Variants in LIPE observed in about 807,000 individuals in gnomAD.
LIPE encodes the protein lipase E, hormone sensitive type.
A neutral mutation model predicts 88.5 loss-of-function variants in LIPE; 66 were observed. The observed-to-expected ratio is 0.75, with a 90% CI of 0.61 to 0.91. LIPE has a LOEUF of 0.91. Among genes scored for constraint, LIPE ranks in the 40% least tolerant of loss-of-function variants. The pLI is 0.00. For missense variants in LIPE, 1,346 were observed against 1,434.7 expected, an observed-to-expected ratio of 0.94 and a Z score of 1.00; for synonymous variants, 570 against 617.5, an observed-to-expected ratio of 0.92 and a Z score of 1.14.
In LIPE at chr19:42,402,886, C is replaced by T. The variant is rs759247319; in HGVS notation, c.2688G>A (p.Leu896=). The part of the protein sequence containing the change: ...ETSSDTPEMS[L]SAETLSPSTP... ...TGGAGGGGCTAAGTGTCTCAGCTGA[C>T]AGCGACATCTCGGGGGTGTCCGACG... The change falls in exon 9 of 10, where the codon CTG becomes CTA. Residue 896 remains leucine (L), a synonymous_variant. Coordinates refer to ENST00000244289, the MANE Select transcript of LIPE (RefSeq NM_005357.4). The T allele has an allele frequency of 1.9e-6, 3 of 1,613,612 alleles. No homozygotes were observed. In the South Asian group the frequency reaches 3.3e-5, roughly 18 times the overall value.
chr19:42,423,520 C>T (rs375002320), intron 1 of LIPE: 15 of 1,268,210 alleles, frequency 1.2e-5, no homozygotes, highest in African/African-American at 1.1e-4. Context: ...GGGCTCCGTT[C>T]CCCCGGCCAA....
chr19:42,421,750 G>A (rs1469503996), intron 1 of LIPE, among the ~76,000 whole-genome samples: 5 of 152,238 alleles, frequency 3.3e-5, no homozygotes, highest in African/African-American at 1.2e-4. Context: ...GTGATCCTAA[G>A]GACACTAGCC....
chr19:42,411,609 A>G (rs951175111), intron 1 of LIPE, among the ~76,000 whole-genome samples: 1 of 152,140 alleles, frequency 6.6e-6, no homozygotes, highest in Non-Finnish European at 1.5e-5. Flanking sequence ...TTCACTGAAG[A>G]GTCATTCCTC....
chr19:42,402,533 T>A, intron 9 of LIPE, 74 bp downstream of exon 9: 1 of 1,331,286 alleles, frequency 7.5e-7, no homozygotes, highest in East Asian at 2.6e-5. Flanking sequence ...GGTGTACCCG[T>A]GCCCGGTCCC....
rs1010322825 is a variant in LIPE at position 42,406,522 on chromosome 19, T to C, written c.2138-134A>G. ...TGGGGCACTCCAAGGCCTAGCAGAC[T>C]GCAGTTTTAGAGACTGGCAGACTGA... On this transcript the variant is annotated intron_variant, in intron 6 of 9. Transcript: ENST00000244289. The surrounding 1 kb of genome is among the most constrained non-coding windows in gnomAD (Gnocchi z 5.7). The C allele has an allele frequency of 4.3e-6, 3 of 697,246 alleles. No individual in the cohort carries two copies. Among genetic ancestry groups the C allele is most frequent in the Non-Finnish European group, 7.4e-6 (3 of 403,898 alleles). The allele number at this position is 697,246 out of a possible 1,614,324, so 43.2% of individuals were successfully genotyped here.
chr19:42,417,453 C>CAA (rs905438599), intron 1 of LIPE, among the ~76,000 whole-genome samples: 3 of 151,858 alleles, frequency 2.0e-5, no homozygotes, highest in African/African-American at 7.3e-5. Flanking sequence ...TTTTTAGAGA[C>CAA]AGAGTCTTGC....
chr19:42,427,112 C>T lies in LIPE; in HGVS notation c.38G>A (p.Trp13Ter). Residue 13 changes from tryptophan to a stop codon, truncating the protein, a stop_gained, in exon 1 of 10, where the codon TGG becomes TAG. Transcript: ENST00000244289. LOFTEE classifies it high-confidence loss of function. ...AGGCCTCTGGTGTGGTTCAGGTTGC[C>T]AGTCTGACCTAGACACTGACTTAGA... ...PGSKSVSRSDWQPEPHQRPIT... is the reference protein window; with the variant it reads ...PGSKSVSRSD 6.2e-7 allele frequency: 1 copy of T among 1,610,982 alleles called. No individual in the cohort carries two copies.
chr19:42,416,877 C>A (rs1350714121), intron 1 of LIPE, among the ~76,000 whole-genome samples: 3 of 152,198 alleles, frequency 2.0e-5, no homozygotes, highest in Non-Finnish European at 2.9e-5. Flanking sequence ...CTGCAGCCCA[C>A]CAGCCAAGGA....
intron 1 of LIPE, chr19:42,424,606 T>G (rs2040673767): frequency 2.2e-6 from 1 of 456,218 alleles, no homozygotes; most frequent in East Asian, 6.9e-5. Context: ...CGTTACTCTC[T>G]TATCAGCTGT....
In LIPE at chr19:42,405,741, G is replaced by A. The variant is rs542106252; in HGVS notation, c.2366-180C>T. On this transcript the variant is annotated intron_variant, in intron 7 of 9. Transcript: ENST00000244289. ...TCCCAGTACTTTGGGAGGCCAAGGC[G>A]AGAGGATGGCTTGAGCCCAGGAGTT... 12 of 622,830 alleles carry A rather than the reference G, an allele frequency of 1.9e-5. No homozygotes were observed. In the Admixed American group the frequency reaches 2.5e-4, roughly 13 times the overall value. The allele number at this position is 622,830 out of a possible 1,614,324, so 38.6% of individuals were successfully genotyped here.
At chr19:42,403,069 T>A (rs767671473) in intron 8 of LIPE, 38 bp from the exon 9 acceptor site, 10 of 1,498,332 alleles carry the variant, frequency 6.7e-6, no homozygotes, top group Non-Finnish European at 7.1e-6. Context: ...GCTCCGTTAG[T>A]TTGGTTGTGT....
chr19:42,409,421 A>AT (rs1381142604), intron 2 of LIPE, among the ~76,000 whole-genome samples: 3 of 150,568 alleles, frequency 2.0e-5, no homozygotes, highest in Non-Finnish European at 4.4e-5. Context: ...AAAAAAAAAA[A>AT]TACAATGGGG....
rs1263823383 is a variant in LIPE at position 42,408,034 on chromosome 19, TTC to T, written c.1596_1597del (p.Asn533ProfsTer43). The T allele has an allele frequency of 1.2e-6, 2 of 1,613,846 alleles. No homozygotes were observed. Among genetic ancestry groups the T allele is most frequent in the Non-Finnish European group, 1.7e-6 (2 of 1,179,860 alleles). ...GGCTTTCCAGAAGTGCACGTCCAGG[TTC>T]TGTGTGATCCGCTCAAACTCAGCCC... On this transcript the variant is annotated frameshift_variant, in exon 4 of 10. Transcript: ENST00000244289. LOFTEE classifies it high-confidence loss of function. The surrounding 1 kb of genome is among the most constrained non-coding windows in gnomAD (Gnocchi z 4.3).
Position 42,402,771 on chromosome 19 carries a change from G to A in LIPE, c.2803C>T (p.Leu935=), listed in dbSNP as rs1218274212. 9 of 1,597,812 alleles carry A rather than the reference G, an allele frequency of 5.6e-6. No homozygotes were observed. The highest frequency in any genetic ancestry group is 7.7e-6 in the Non-Finnish European group (9 of 1,167,950). The change falls in exon 9 of 10, where the codon CTG becomes TTG. Residue 935 remains leucine, a synonymous_variant. Coordinates refer to ENST00000244289, the MANE Select transcript of LIPE (RefSeq NM_005357.4). ...TCGGGGAAGGCGGCACGGACGCCCA[G>A]GCCTCTGTCCATGGGGCTCAGCTCA... ...KNELSPMDRG[L]GVRAAFPEGF... is the part of the protein sequence containing the mutation.
intron 1 of LIPE, among the ~76,000 whole-genome samples, chr19:42,425,958 C>T (rs1031927313): frequency 2.0e-5 from 3 of 152,004 alleles, no homozygotes; most frequent in South Asian, 2.1e-4. Flanking sequence ...CCTGCCACCA[C>T]GCCTGGCTAA....
In LIPE at chr19:42,408,438, C is replaced by A; in HGVS notation, c.1420-116G>T. 1.2e-6 allele frequency: 1 copy of A among 824,710 alleles called. No homozygotes were observed. Among genetic ancestry groups the A allele is most frequent in the Non-Finnish European group, 2.1e-6 (1 of 487,310 alleles). The allele number at this position is 824,710 out of a possible 1,614,324, so 51.1% of individuals were successfully genotyped here. On this transcript the variant is annotated intron_variant, in intron 2 of 9. Transcript: ENST00000244289. This position sits in a 1 kb window ranked among gnomAD's most constrained non-coding sequence, Gnocchi z 4.3. ...ATTCATTCAGTAAACGTTTCATGAGCTCCTACTGTGTGCTGGGCATAGCTC... is the reference window on the plus strand; with the variant it reads ...ATTCATTCAGTAAACGTTTCATGAGATCCTACTGTGTGCTGGGCATAGCTC...
At position 42,410,658 on chromosome 19, in the gene LIPE, C is replaced by T. The variant is rs1420241605; in HGVS notation, c.1068G>A (p.Leu356=). The T allele has an allele frequency of 1.2e-6, 2 of 1,612,528 alleles. No homozygotes were observed. The highest frequency in any genetic ancestry group is 1.1e-5 in the South Asian group (1 of 91,018). Residue 356 remains leucine, a synonymous_variant, in exon 2 of 10, where the codon CTG becomes CTA. Transcript: ENST00000244289. This position sits in a 1 kb window ranked among gnomAD's most constrained non-coding sequence, Gnocchi z 6.1. ...CCAGGTCAAAGAGGTGCGCCACACCCAGCAGGCGGCCCAGGGCCGGCTCCA... is the reference window on the plus strand; with the variant it reads ...CCAGGTCAAAGAGGTGCGCCACACCTAGCAGGCGGCCCAGGGCCGGCTCCA... ...LGLEPALGRL[L]GVAHLFDLDP... is the part of the protein sequence containing the mutation.
At position 42,404,236 on chromosome 19, in the gene LIPE, T is replaced by C. The variant is rs556983897; in HGVS notation, c.2542+1149A>G. On this transcript the variant is annotated intron_variant, in intron 8 of 9. Coordinates refer to ENST00000244289, the MANE Select transcript of LIPE (RefSeq NM_005357.4). ...TGCCACCATGTCCAGCTACTTTTTG[T>C]ATTTTTTTTTTTTTTGAGACAGTCT... Among the ~76,000 whole-genome samples the C allele has an allele frequency of 9.3e-5, 14 of 150,930 alleles. No homozygotes were observed. The East Asian group carries it at 2.5e-3, about 27-fold the overall frequency.
intron 1 of LIPE, among the ~76,000 whole-genome samples, chr19:42,420,280 C>T (rs1041288045): frequency 4.1e-4 from 62 of 152,118 alleles, no homozygotes; most frequent in African/African-American, 1.4e-3. Flanking sequence ...GCTTTCTGGT[C>T]GGGTGTGAGT....
Sources: allele counts gnomAD v4.1 joint callset (sites outside exome capture counted in the v4.1 genomes callset), GRCh38; gene constraint gnomAD v4.1.1; non-coding constraint Gnocchi (gnomAD v3.1); transcripts MANE v1.5; gene names NCBI Gene and HGNC (gene_info 2026-07-23, HGNC 2026-07-21).